ERC1: variants seen among roughly 807,000 people sequenced by gnomAD.
ERC1 encodes the protein ELKS/RAB6-interacting/CAST family member 1.
ERC1 carries 56 observed loss-of-function variants against 132.0 expected under a neutral mutation model. That is an observed-to-expected ratio of 0.42 (90% CI 0.34 to 0.53). ERC1 has a LOEUF of 0.53. Ranked by LOEUF, ERC1 falls within the 20% of genes least tolerant of loss-of-function variation. The pLI is 0.03. For missense variants in ERC1, 1,202 were observed against 1,349.9 expected, an observed-to-expected ratio of 0.89 and a Z score of 1.72; for synonymous variants, 478 against 476.1, an observed-to-expected ratio of 1.00 and a Z score of -0.05.
At chr12:1,267,491 G>T (rs763090084) in intron 14 of ERC1, among the ~76,000 whole-genome samples, 1 of 152,208 alleles carries the variant, frequency 6.6e-6, no homozygotes, top group Non-Finnish European at 1.5e-5. Flanking sequence ...GGATACAGTG[G>T]CTCATGCCTG....
chr12:1,194,157 C>T (rs1446317859), intron 12 of ERC1, among the ~76,000 whole-genome samples: 2 of 152,126 alleles, frequency 1.3e-5, no homozygotes, highest in Non-Finnish European at 2.9e-5. Flanking sequence ...CAGTGGCTCA[C>T]GCCTGTAATC....
chr12:1,227,125 C>G (rs562080075), intron 12 of ERC1, among the ~76,000 whole-genome samples: 9 of 152,224 alleles, frequency 5.9e-5, no homozygotes, highest in African/African-American at 2.2e-4. Context: ...ATCCTGATTT[C>G]AGTTGTTTTT....
intron 8 of ERC1, among the ~76,000 whole-genome samples, chr12:1,175,723 C>T (rs1235605219): frequency 6.6e-6 from 1 of 152,032 alleles, no homozygotes; most frequent in Non-Finnish European, 1.5e-5. Flanking sequence ...TCAGTAGAGA[C>T]AGCGTTTCTC....
At chr12:1,164,386 A>G (rs1952188663) in intron 8 of ERC1, among the ~76,000 whole-genome samples, 1 of 151,696 alleles carries the variant, frequency 6.6e-6, no homozygotes, top group African/African-American at 2.4e-5. Context: ...TCTGTTGCCC[A>G]GCCTGGAGTG....
chr12:1,318,729 C>G (rs1303339987), intron 15 of ERC1, among the ~76,000 whole-genome samples: 1 of 151,940 alleles, frequency 6.6e-6, no homozygotes, highest in Non-Finnish European at 1.5e-5. Context: ...GTGAAGCTGT[C>G]TCTGGAGCCA....
intron 2 of ERC1, among the ~76,000 whole-genome samples, chr12:1,077,037 G>A (rs17694270): frequency 0.23 from 34,539 of 151,988 alleles, 4,341 homozygotes; most frequent in Middle Eastern, 0.28. Context: ...ACTCTTTTGC[G>A]TGTTACATTA....
intron 15 of ERC1, among the ~76,000 whole-genome samples, chr12:1,348,800 GT>G: frequency 6.6e-6 from 1 of 152,240 alleles, no homozygotes; most frequent in South Asian, 2.1e-4. Context: ...CGGAATGTAG[GT>G]TTTTTGGTAA....
At chr12:1,490,003 T>A in intron 18 of ERC1, 90 bp from the exon 19 acceptor site, 4 of 1,374,680 alleles carry the variant, frequency 2.9e-6, no homozygotes, top group Non-Finnish European at 3.0e-6. Context: ...ACATACAGAG[T>A]GCCTTTGTCA....
At chr12:1,159,593 T>C (rs964377718) in intron 8 of ERC1, among the ~76,000 whole-genome samples, 3 of 152,252 alleles carry the variant, frequency 2.0e-5, no homozygotes, top group Non-Finnish European at 2.9e-5. Context: ...TTCTGCATGA[T>C]ATTTAGATAT....
chr12:1,377,447 C>G (rs2088082066), intron 16 of ERC1, among the ~76,000 whole-genome samples: 1 of 152,174 alleles, frequency 6.6e-6, no homozygotes, highest in South Asian at 2.1e-4. Flanking sequence ...CTTCCCCATC[C>G]CTATTAGAAT....
intron 16 of ERC1, among the ~76,000 whole-genome samples, chr12:1,377,357 A>T (rs2088062829): frequency 6.6e-6 from 1 of 152,192 alleles, no homozygotes; most frequent in Admixed American, 6.5e-5. Context: ...TATGCTTTGA[A>T]TTGGCCGTTT....
intron 3 of ERC1, among the ~76,000 whole-genome samples, chr12:1,099,534 A>G (rs796440521): frequency 7.2e-5 from 11 of 152,312 alleles, no homozygotes; most frequent in African/African-American, 2.6e-4. Flanking sequence ...ACTCTCTTAC[A>G]GTATTGTGGA....
intron 14 of ERC1, among the ~76,000 whole-genome samples, chr12:1,289,485 C>T (rs1269390155): frequency 2.0e-5 from 3 of 151,936 alleles, no homozygotes; most frequent in Non-Finnish European, 2.9e-5. Context: ...TAAAATCGTT[C>T]TGTATATTTT....
At chr12:1,348,978 T>C (rs2084745201) in intron 15 of ERC1, among the ~76,000 whole-genome samples, 1 of 152,246 alleles carries the variant, frequency 6.6e-6, no homozygotes, top group Non-Finnish European at 1.5e-5. Context: ...ATCATTTTGA[T>C]GACTTGGGGA....
chr12:1,472,208 C>T (rs1415847994), intron 18 of ERC1, among the ~76,000 whole-genome samples: 5 of 152,186 alleles, frequency 3.3e-5, no homozygotes, highest in Non-Finnish European at 7.3e-5. Context: ...GAAATCTTAA[C>T]TGTTTTATTT....
intron 8 of ERC1, chr12:1,151,836 T>C (rs1950863333): frequency 6.6e-6 from 1 of 152,270 alleles, no homozygotes; most frequent in Admixed American, 6.5e-5. Context: ...AAGACAACTT[T>C]CTGAAATGCT....
chr12:992,180 G>T (rs1959639089), intron 1 of ERC1, among the ~76,000 whole-genome samples: 1 of 152,042 alleles, frequency 6.6e-6, no homozygotes, highest in African/African-American at 2.4e-5. Context: ...TCCCCCCAAT[G>T]CCTAAAAGAT....
intron 8 of ERC1, among the ~76,000 whole-genome samples, chr12:1,151,372 C>T (rs1950820813): frequency 6.6e-6 from 1 of 152,166 alleles, no homozygotes. Flanking sequence ...CCCCTGGCTT[C>T]CAGATCTCTC....
intron 18 of ERC1, among the ~76,000 whole-genome samples, chr12:1,458,535 C>CT (rs767876391): frequency 0.01 from 1,404 of 133,772 alleles, 10 homozygotes; most frequent in African/African-American, 0.018. Context: ...TATGTATTTT[C>CT]TTTTTTTTTT....
Sources: gnomAD v4.1 joint callset for allele counts (sites outside exome capture counted in the v4.1 genomes callset) on GRCh38, gnomAD v4.1.1 for gene constraint, MANE v1.5 for transcripts, NCBI Gene and HGNC (gene_info 2026-07-23, HGNC 2026-07-21) for gene names.